GRB10: variants seen among roughly 807,000 people sequenced by gnomAD.
GRB10 encodes growth factor receptor-bound protein 10.
GRB10 carries 20 observed loss-of-function variants against 80.9 expected under a neutral mutation model. That is an observed-to-expected ratio of 0.25 (90% confidence interval 0.17 to 0.36). The LOEUF is 0.36. Among genes scored for constraint, GRB10 ranks in the 10% least tolerant of loss-of-function variants. The pLI is 1.00. For synonymous variants in GRB10, 291 were observed against 291.5 expected (o/e 1.00, Z 0.02); for missense variants, 548 against 747.7 (o/e 0.73, Z 3.12).
intron 3 of GRB10, among the ~76,000 whole-genome samples, chr7:50,751,002 C>T (rs12112744): frequency 0.01 from 1,571 of 152,286 alleles, 30 homozygotes; most frequent in African/African-American, 0.036. Flanking sequence ...CAGTGGCTTG[C>T]TTGGCCCCCA....
chr7:50,595,814 T>C (rs2046547083), intron 17 of GRB10: 1 of 359,798 alleles, frequency 2.8e-6, no homozygotes, highest in African/African-American at 2.1e-5. Flanking sequence ...AACTATAGGA[T>C]GAAAAGGATT....
At chr7:50,763,298 G>A (rs2075970366) in intron 2 of GRB10, among the ~76,000 whole-genome samples, 1 of 152,168 alleles carries the variant, frequency 6.6e-6, no homozygotes, top group South Asian at 2.1e-4. Flanking sequence ...AACTTCACTA[G>A]GAGCCAGGGA....
chr7:50,767,274 C>G (rs996476154), intron 2 of GRB10, among the ~76,000 whole-genome samples: 1 of 152,208 alleles, frequency 6.6e-6, no homozygotes, highest in Admixed American at 6.5e-5. Flanking sequence ...GCCGGCCCCT[C>G]TGGCTCCTGA....
intron 17 of GRB10, among the ~76,000 whole-genome samples, chr7:50,602,770 CTTAT>C (rs2047831240): frequency 6.6e-6 from 1 of 152,094 alleles, no homozygotes; most frequent in African/African-American, 2.4e-5. Flanking sequence ...GTAAGAAATT[CTTAT>C]TTATTTAGTT....
At position 50,605,232 on chromosome 7, in the gene GRB10, G is replaced by A. The variant is rs149540308; in HGVS notation, c.1389+58C>T. ...AGCTGTTCCTCTGGGAGAAGACCACGTGGTGGGGCTACCACCTTGAGGGTG... is the reference window on the plus strand; with the variant it reads ...AGCTGTTCCTCTGGGAGAAGACCACATGGTGGGGCTACCACCTTGAGGGTG... On this transcript the variant is annotated intron_variant, in intron 15 of 18. Coordinates refer to ENST00000401949, the MANE Select transcript of GRB10 (RefSeq NM_001350814.2). The A allele has an allele frequency of 3.5e-5, 46 of 1,310,296 alleles. 1 individual carries two copies. The highest frequency in any genetic ancestry group is 1.2e-4 in the Admixed American group (7 of 59,320). 81.2% of individuals were successfully genotyped at this position (1,310,296 alleles called of 1,614,324 possible). A position where few individuals can be genotyped will look rare whatever the true frequency, so the allele number is the denominator to read the frequency against.
At chr7:50,616,189 G>A (rs745575041) in intron 11 of GRB10, 21 bp downstream of exon 11, 35 of 1,614,038 alleles carry the variant, frequency 2.2e-5, no homozygotes, top group Non-Finnish European at 3.0e-5. Context: ...AGGGCTGGTG[G>A]TGGTAGCTTT....
At chr7:50,751,769 A>T (rs556788801) in intron 3 of GRB10, among the ~76,000 whole-genome samples, 2 of 152,360 alleles carry the variant, frequency 1.3e-5, no homozygotes, top group East Asian at 3.9e-4. Context: ...GGGCAGGTGG[A>T]TAGCAAGGAA....
intron 2 of GRB10, chr7:50,779,206 A>C (rs2078023145): frequency 6.6e-6 from 1 of 152,222 alleles, no homozygotes; most frequent in African/African-American, 2.4e-5. Flanking sequence ...GAAATGCATT[A>C]AGACCTTACT....
intron 13 of GRB10, among the ~76,000 whole-genome samples, chr7:50,609,529 G>A (rs1172214509): frequency 6.6e-6 from 1 of 152,214 alleles, no homozygotes; most frequent in Non-Finnish European, 1.5e-5. Context: ...ATATGGGTGT[G>A]TGTAGACAGA....
At chr7:50,760,081 A>G (rs2075588826) in intron 2 of GRB10, among the ~76,000 whole-genome samples, 1 of 152,224 alleles carries the variant, frequency 6.6e-6, no homozygotes, top group African/African-American at 2.4e-5. Context: ...GGTTAGCCAG[A>G]GAGCGTGCTT....
chr7:50,681,174 CTCAG>C (rs1271537618), intron 5 of GRB10, among the ~76,000 whole-genome samples: 3 of 152,246 alleles, frequency 2.0e-5, no homozygotes, highest in Admixed American at 2.0e-4. Flanking sequence ...AGAGCCAAAT[CTCAG>C]TCTACAACCA....
Position 50,677,266 on chromosome 7 carries a change from A to G in GRB10, c.140-2608T>C, listed in dbSNP as rs144097609. Among the ~76,000 whole-genome samples the G allele has an allele frequency of 5.3e-3, 804 of 152,360 alleles. 12 individuals are homozygous for G. The highest frequency in any genetic ancestry group is 0.019 in the African/African-American group (770 of 41,586). ...ATAATTAATAATTACTGCATAATCAATAATTAATCACAAGGAAGAACACTC... is the reference window on the plus strand; with the variant it reads ...ATAATTAATAATTACTGCATAATCAGTAATTAATCACAAGGAAGAACACTC... On this transcript the variant is annotated intron_variant, in intron 5 of 18. Coordinates refer to ENST00000401949, the MANE Select transcript of GRB10 (RefSeq NM_001350814.2).
At chr7:50,601,300 G>C (rs2047554873) in intron 17 of GRB10, among the ~76,000 whole-genome samples, 1 of 152,208 alleles carries the variant, frequency 6.6e-6, no homozygotes, top group Non-Finnish European at 1.5e-5. Flanking sequence ...TTATTTCATA[G>C]ATCTGACTTT....
At chr7:50,679,849 C>T (rs2061361557) in intron 5 of GRB10, among the ~76,000 whole-genome samples, 1 of 152,234 alleles carries the variant, frequency 6.6e-6, no homozygotes, top group African/African-American at 2.4e-5. Flanking sequence ...GTGTTTTCCA[C>T]TAGACCATGT....
At chr7:50,764,485 G>A (rs576391702) in intron 2 of GRB10, among the ~76,000 whole-genome samples, 1 of 152,260 alleles carries the variant, frequency 6.6e-6, no homozygotes, top group Admixed American at 6.5e-5. Flanking sequence ...GACAGGAGCC[G>A]ACTTAAATAT....
chr7:50,745,038 T>C (rs2072646371), intron 3 of GRB10, among the ~76,000 whole-genome samples: 1 of 152,208 alleles, frequency 6.6e-6, no homozygotes, highest in South Asian at 2.1e-4. Flanking sequence ...CTACATATAT[T>C]TTATGCATTC....
Position 50,651,977 on chromosome 7 carries a change from G to A in GRB10, c.504+17745C>T, listed in dbSNP as rs1390321039. Among the ~76,000 whole-genome samples, 3 of 152,206 alleles carry A rather than the reference G, an allele frequency of 2.0e-5. No individual in the cohort carries two copies. In the East Asian group the frequency reaches 5.8e-4, roughly 29 times the overall value. ...CCCTCACTGGACGCCCAGCCACACA[G>A]GTCCCACTCAGTCTGTTCTAACCTC... is the stretch of plus-strand genomic sequence containing the variant. On this transcript the variant is annotated intron_variant, in intron 7 of 18. Coordinates refer to ENST00000401949, the MANE Select transcript of GRB10 (RefSeq NM_001350814.2).
At chr7:50,784,108 G>A (rs779956950), upstream of GRB10, among the ~76,000 whole-genome samples, 14 of 152,204 alleles carry the variant, frequency 9.2e-5, no homozygotes, top group Non-Finnish European at 2.1e-4. Flanking sequence ...GACCACATAT[G>A]GCCTGGCTAC....
intron 7 of GRB10, among the ~76,000 whole-genome samples, chr7:50,660,690 G>C (rs1221419548): frequency 6.6e-6 from 1 of 152,168 alleles, no homozygotes; most frequent in African/African-American, 2.4e-5. Context: ...CAGAAGGAAA[G>C]GAGTTAGAGA....
Sources: allele counts gnomAD v4.1 joint callset (sites outside exome capture counted in the v4.1 genomes callset), GRCh38; gene constraint gnomAD v4.1.1; transcripts MANE v1.5; gene names NCBI Gene and HGNC (gene_info 2026-07-23, HGNC 2026-07-21).